Variants in CAMTA1 observed in about 807,000 individuals in gnomAD.
CAMTA1 encodes calmodulin-binding transcription activator 1.
CAMTA1 carries 27 observed loss-of-function variants against 170.9 expected under a neutral mutation model. That is an observed-to-expected ratio of 0.16 (90% CI 0.12 to 0.22). The LOEUF (loss-of-function observed/expected upper bound fraction) is 0.22. CAMTA1 is among the 10% of genes least tolerant of loss of function. The pLI is 1.00. For synonymous variants in CAMTA1, 833 were observed against 891.5 expected, an observed-to-expected ratio of 0.93 and a Z score of 1.17; for missense variants, 1,619 against 2,217.2, an observed-to-expected ratio of 0.73 and a Z score of 5.42.
intron 10 of CAMTA1, among the ~76,000 whole-genome samples, chr1:7,676,419 T>C (rs2096121342): frequency 6.6e-6 from 1 of 152,242 alleles, no homozygotes; most frequent in Non-Finnish European, 1.5e-5. Context: ...AGATGGCTGC[T>C]GCCTTAACAC....
intron 7 of CAMTA1, among the ~76,000 whole-genome samples, chr1:7,648,209 G>T (rs1370835361): frequency 6.6e-6 from 1 of 152,110 alleles, no homozygotes; most frequent in Admixed American, 6.5e-5. Context: ...GCCTGACCAT[G>T]TGGTGAAACC....
chr1:7,480,095 CTGTG>C (rs950559240), intron 6 of CAMTA1, among the ~76,000 whole-genome samples: 7 of 124,282 alleles, frequency 5.6e-5, no homozygotes, highest in East Asian at 2.4e-4. Context: ...GTGTGTGTGC[CTGTG>C]TGTGAGAGCG....
At chr1:7,188,533 A>G (rs1403909085) in intron 4 of CAMTA1, among the ~76,000 whole-genome samples, 1 of 152,188 alleles carries the variant, frequency 6.6e-6, no homozygotes, top group East Asian at 1.9e-4. Flanking sequence ...TGACTACTCC[A>G]GGGACCTCAT....
intron 4 of CAMTA1, among the ~76,000 whole-genome samples, chr1:7,228,978 C>T (rs915645785): frequency 1.3e-5 from 2 of 152,066 alleles, no homozygotes; most frequent in Non-Finnish European, 2.9e-5. Flanking sequence ...AGGGGGAGGG[C>T]TCTGCACACA....
chr1:7,577,423 C>T (rs1178498874), intron 6 of CAMTA1, among the ~76,000 whole-genome samples: 1 of 152,208 alleles, frequency 6.6e-6, no homozygotes, highest in Non-Finnish European at 1.5e-5. Flanking sequence ...CGTCACAGAC[C>T]ATGGCTCCCT....
At chr1:6,850,284 A>G (rs1659893565) in intron 3 of CAMTA1, among the ~76,000 whole-genome samples, 1 of 152,228 alleles carries the variant, frequency 6.6e-6, no homozygotes, top group Admixed American at 6.5e-5. Flanking sequence ...ATTAAAGTGT[A>G]AATGGCAAAC....
At chr1:7,425,627 G>A (rs1037286802) in intron 5 of CAMTA1, among the ~76,000 whole-genome samples, 1 of 152,032 alleles carries the variant, frequency 6.6e-6, no homozygotes, top group African/African-American at 2.4e-5. Context: ...GTCAGAGGGG[G>A]CAGGAGCAAT....
chr1:6,837,468 A>T (rs1653746425), intron 3 of CAMTA1, among the ~76,000 whole-genome samples: 2 of 152,114 alleles, frequency 1.3e-5, no homozygotes, highest in Admixed American at 1.3e-4. Flanking sequence ...ACTCGCATAT[A>T]TTTACTTCTT....
chr1:7,290,880 T>TA (rs779296213), intron 5 of CAMTA1, among the ~76,000 whole-genome samples: 6 of 152,102 alleles, frequency 3.9e-5, no homozygotes, highest in Non-Finnish European at 8.8e-5. Flanking sequence ...TTTACTGTCC[T>TA]AAAATGTCCC....
At chr1:6,820,339 A>G (rs1388887898) in intron 2 of CAMTA1, 89 bp downstream of exon 2, 1 of 1,360,114 alleles carries the variant, frequency 7.4e-7, no homozygotes, top group Non-Finnish European at 1.0e-6. Context: ...AACAGCCTTC[A>G]GCCCGGACTC....
intron 3 of CAMTA1, among the ~76,000 whole-genome samples, chr1:7,081,231 A>G (rs977208108): frequency 6.6e-6 from 1 of 152,220 alleles, no homozygotes; most frequent in African/African-American, 2.4e-5. Context: ...TTATAATAAT[A>G]ATGATGATGG....
At chr1:6,818,063 G>A (rs534722500) in intron 1 of CAMTA1, among the ~76,000 whole-genome samples, 3 of 152,276 alleles carry the variant, frequency 2.0e-5, no homozygotes, top group East Asian at 1.9e-4. Context: ...AAACTCAGGC[G>A]CGGTGGGTCA....
intron 6 of CAMTA1, among the ~76,000 whole-genome samples, chr1:7,537,298 C>T (rs2150082829): frequency 6.6e-6 from 1 of 152,322 alleles, no homozygotes; most frequent in South Asian, 2.1e-4. Flanking sequence ...CAAGCAAACA[C>T]AGCCCCTGCT....
chr1:6,995,304 T>C (rs1365048945), intron 3 of CAMTA1, among the ~76,000 whole-genome samples: 14 of 114,808 alleles, frequency 1.2e-4, no homozygotes, highest in African/African-American at 3.8e-4. Flanking sequence ...TCTTTTTTTT[T>C]TTTTTTTTTT....
At chr1:6,927,318 C>G (rs1237399620) in intron 3 of CAMTA1, among the ~76,000 whole-genome samples, 1 of 152,186 alleles carries the variant, frequency 6.6e-6, no homozygotes, top group African/African-American at 2.4e-5. Context: ...CAGGTGTGAG[C>G]CACTGCACCC....
At chr1:7,074,477 C>T (rs938637209) in intron 3 of CAMTA1, among the ~76,000 whole-genome samples, 2 of 152,162 alleles carry the variant, frequency 1.3e-5, no homozygotes, top group African/African-American at 4.8e-5. Context: ...AATCCAACTG[C>T]TGTTAATGTT....
rs111286435 is a variant in CAMTA1, at chr1:7,655,634, C to A, written c.665-6092C>A. On this transcript the variant is annotated intron_variant, in intron 7 of 22. Coordinates refer to ENST00000303635, the MANE Select transcript of CAMTA1 (RefSeq NM_015215.4). ...CACACCCACACACCTATACACACACCTATACACACACTACACACCCACACA... is the reference window on the plus strand; with the variant it reads ...CACACCCACACACCTATACACACACATATACACACACTACACACCCACACA... Among the ~76,000 whole-genome samples, 512 of 72,202 alleles carry A rather than the reference C, an allele frequency of 7.1e-3. 4 individuals carry two copies. Among genetic ancestry groups the A allele is most frequent in the African/African-American group, 0.026 (499 of 18,972 alleles). 47.4% of individuals were successfully genotyped at this position (72,202 alleles called of 152,430 possible).
chr1:7,405,256 G>T (rs750290866), intron 5 of CAMTA1, among the ~76,000 whole-genome samples: 1 of 152,122 alleles, frequency 6.6e-6, no homozygotes, highest in Non-Finnish European at 1.5e-5. Flanking sequence ...GCCTAAAAGC[G>T]CATCTTGAAG....
intron 5 of CAMTA1, among the ~76,000 whole-genome samples, chr1:7,292,395 T>C (rs1429970511): frequency 6.6e-6 from 1 of 152,204 alleles, no homozygotes; most frequent in African/African-American, 2.4e-5. Flanking sequence ...CTTCGGTGAA[T>C]ATGTGTGTCT....
Sources: gnomAD v4.1 joint callset for allele counts (sites outside exome capture counted in the v4.1 genomes callset) on GRCh38, gnomAD v4.1.1 for gene constraint, MANE v1.5 for transcripts, NCBI Gene and HGNC (gene_info 2026-07-23, HGNC 2026-07-21) for gene names.